PLAAT1: variants seen among roughly 807,000 people sequenced by gnomAD.
PLAAT1 encodes the protein phospholipase A and acyltransferase 1.
In PLAAT1, 13 loss-of-function variants were observed where a neutral mutation model predicts 16.4. The observed-to-expected ratio is 0.79, with a 90% CI of 0.52 to 1.26. The LOEUF (loss-of-function observed/expected upper bound fraction) is 1.26. PLAAT1 is among the 50% of genes most tolerant of loss of function. The pLI is 0.00. For missense variants in PLAAT1, 218 were observed against 207.8 expected (o/e 1.05, Z -0.30); for synonymous variants, 73 against 78.4 (o/e 0.93, Z 0.36).
At chr3:193,275,329 A>G, downstream of PLAAT1, 1 of 1,607,830 alleles carries the variant, frequency 6.2e-7, no homozygotes, top group Non-Finnish European at 8.5e-7. Context: ...GAAAACAATC[A>G]ATTTATTGCG....
intron 1 of PLAAT1, among the ~76,000 whole-genome samples, chr3:193,248,143 A>G (rs1381032627): frequency 6.6e-6 from 1 of 152,158 alleles, no homozygotes; most frequent in Non-Finnish European, 1.5e-5. Context: ...TGACCCCTTC[A>G]TCATTATATA....
downstream of PLAAT1, among the ~76,000 whole-genome samples, chr3:193,272,312 G>A (rs1162063548): frequency 3.9e-5 from 6 of 151,936 alleles, no homozygotes; most frequent in Admixed American, 6.6e-5. Context: ...GCGTGGTGGC[G>A]GGCGCCTACA....
chr3:193,279,285 T>G (rs1264035167), downstream of PLAAT1: 2 of 1,124,980 alleles, frequency 1.8e-6, no homozygotes, highest in Admixed American at 1.8e-5. Flanking sequence ...GAGAATACAG[T>G]AATAATTGAC....
Position 193,241,950 on chromosome 3 carries a change from C to T in PLAAT1, c.-1+417C>T, listed in dbSNP as rs115105422. Among the ~76,000 whole-genome samples, 749 of 152,274 alleles carry T rather than the reference C, an allele frequency of 4.9e-3. 7 individuals are homozygous for T. The highest frequency in any genetic ancestry group is 0.017 in the African/African-American group (714 of 41,530). ...ATTCCTCATTCCTTCATTCAATGAA[C>T]ATTTGCTCCGCAGTTACTTGTGCGA... On this transcript the variant is annotated intron_variant, in intron 1 of 3. Coordinates refer to ENST00000264735, the MANE Select transcript of PLAAT1 (RefSeq NM_020386.5).
intron 2 of PLAAT1, 43 bp from the exon 3 acceptor site, chr3:193,262,927 G>T: frequency 6.3e-7 from 1 of 1,599,182 alleles, no homozygotes; most frequent in South Asian, 1.1e-5. Flanking sequence ...GAGTTCATTG[G>T]ACTGGGTCAC....
chr3:193,277,431 T>TC (rs1473628708), intron 2 of PLAAT1, among the ~76,000 whole-genome samples: 1 of 152,134 alleles, frequency 6.6e-6, no homozygotes, highest in African/African-American at 2.4e-5. Flanking sequence ...CACGGCTGCA[T>TC]CCATAGCAAA....
chr3:193,273,514 AT>A (rs1335206003), downstream of PLAAT1, among the ~76,000 whole-genome samples: 1 of 152,230 alleles, frequency 6.6e-6, no homozygotes, highest in African/African-American at 2.4e-5. Flanking sequence ...ATTCCTAAAG[AT>A]TTCAGAATTG....
downstream of PLAAT1, chr3:193,281,227 AGAG>A (rs562743780): frequency 1.0e-6 from 1 of 985,170 alleles, no homozygotes; most frequent in Non-Finnish European, 1.2e-6. Flanking sequence ...GCTGGGAAGA[AGAG>A]GACGCCTGAA....
At chr3:193,250,391 C>CCTAT (rs1716146141) in intron 1 of PLAAT1, among the ~76,000 whole-genome samples, 1 of 152,056 alleles carries the variant, frequency 6.6e-6, no homozygotes. Context: ...CTCATTCTGC[C>CCTAT]CTATACCAAG....
At chr3:193,266,144 C>T (rs145112731) in intron 3 of PLAAT1, among the ~76,000 whole-genome samples, 36 of 151,984 alleles carry the variant, frequency 2.4e-4, no homozygotes, top group East Asian at 2.3e-3. Flanking sequence ...AGGGAGTGGG[C>T]GGAAGCTTTT....
chr3:193,275,231 T>C (rs375669588), downstream of PLAAT1: 13 of 1,614,074 alleles, frequency 8.1e-6, no homozygotes, highest in Admixed American at 3.3e-5. Context: ...AAGTCCTATA[T>C]TGACTTTTAG....
downstream of PLAAT1, among the ~76,000 whole-genome samples, chr3:193,272,071 G>A (rs767967186): frequency 6.6e-6 from 1 of 152,076 alleles, no homozygotes; most frequent in Non-Finnish European, 1.5e-5. Context: ...GAACTAATGA[G>A]AGAAAATTTC....
At chr3:193,241,106 G>T, upstream of PLAAT1, 1 of 813,944 alleles carries the variant, frequency 1.2e-6, no homozygotes, top group South Asian at 6.9e-5. Flanking sequence ...GGCGCGAGAA[G>T]GTGCAGTTCC....
chr3:193,279,160 G>A (rs765198901), downstream of PLAAT1, among the ~76,000 whole-genome samples: 1 of 152,110 alleles, frequency 6.6e-6, no homozygotes, highest in African/African-American at 2.4e-5. Context: ...CAGGATAAAT[G>A]TACCCAATAA....
In PLAAT1 at chr3:193,259,882, G is replaced by A. The variant is rs192768551; in HGVS notation, c.140-3088G>A. Among the ~76,000 whole-genome samples the A allele has an allele frequency of 2.3e-3, 344 of 152,030 alleles. 3 individuals are homozygous for A. Among genetic ancestry groups the A allele is most frequent in the Non-Finnish European group, 2.9e-3 (200 of 67,934 alleles). Reference sequence around the variant, plus strand: ...AATTAGAAAAAATATTCTAAAATTTGTATGGAACCAAAAAAGAGCCCAAGT... The same window carrying A: ...AATTAGAAAAAATATTCTAAAATTTATATGGAACCAAAAAAGAGCCCAAGT... On this transcript the variant is annotated intron_variant, in intron 2 of 3. Coordinates refer to ENST00000264735, the MANE Select transcript of PLAAT1 (RefSeq NM_020386.5).
chr3:193,276,040 G>A (rs1035528794), intron 2 of PLAAT1, among the ~76,000 whole-genome samples: 31 of 152,054 alleles, frequency 2.0e-4, no homozygotes, highest in Non-Finnish European at 1.0e-4. Flanking sequence ...ATTATGATAA[G>A]TGCCTTCATA....
chr3:193,254,004 A>G (rs375851625), intron 1 of PLAAT1, among the ~76,000 whole-genome samples: 8 of 152,286 alleles, frequency 5.3e-5, no homozygotes, highest in African/African-American at 1.9e-4. Flanking sequence ...GCTGATTCCT[A>G]TTCATGGGAA....
intron 2 of PLAAT1, among the ~76,000 whole-genome samples, chr3:193,276,560 T>C (rs1263302068): frequency 6.6e-6 from 1 of 152,250 alleles, no homozygotes; most frequent in Non-Finnish European, 1.5e-5. Context: ...AACATTTCTA[T>C]GCAGACTTCA....
downstream of PLAAT1, among the ~76,000 whole-genome samples, chr3:193,273,445 G>C (rs1717053499): frequency 6.6e-6 from 1 of 152,174 alleles, no homozygotes; most frequent in African/African-American, 2.4e-5. Flanking sequence ...TATGCTGGTG[G>C]TTTGTGTAAC....
Sources: gnomAD v4.1 joint callset for allele counts (sites outside exome capture counted in the v4.1 genomes callset) on GRCh38, gnomAD v4.1.1 for gene constraint, MANE v1.5 for transcripts, NCBI Gene and HGNC (gene_info 2026-07-23, HGNC 2026-07-21) for gene names.